STARD13: variants seen among roughly 807,000 people sequenced by gnomAD.
STARD13 encodes StAR related lipid transfer domain containing 13.
Under a neutral mutation model 106.4 loss-of-function variants are expected in STARD13, and 62 were observed. That is an observed-to-expected ratio of 0.58 (90% CI 0.48 to 0.72). STARD13 has a LOEUF of 0.72. STARD13 is among the 30% of genes least tolerant of loss of function. STARD13 has a pLI of 0.00. For synonymous variants in STARD13, 565 were observed against 553.0 expected (o/e 1.02, Z -0.31); for missense variants, 1,387 against 1,424.0 (o/e 0.97, Z 0.42).
chr13:33,499,613 CTTCTTCTT>C, the STARD13 span, among the ~76,000 whole-genome samples: 48 of 70,550 alleles, frequency 6.8e-4, no homozygotes, highest in South Asian at 2.0e-3. Flanking sequence ...CTTTCTTCTT[CTTCTTCTT>C]CTTCTTCTTC....
upstream of STARD13, among the ~76,000 whole-genome samples, chr13:33,350,951 CAA>C (rs2138626199): frequency 6.6e-6 from 1 of 152,154 alleles, no homozygotes; most frequent in South Asian, 2.1e-4. Flanking sequence ...ACAACTACAA[CAA>C]CAACAACAAA....
At chr13:33,433,533 T>C in the STARD13 span, among the ~76,000 whole-genome samples, 3 of 148,196 alleles carry the variant, frequency 2.0e-5, no homozygotes, top group Non-Finnish European at 4.4e-5. Flanking sequence ...TCCTGCTACG[T>C]CACGTTCCGC....
At chr13:33,204,487 A>G (rs910534099) in intron 1 of STARD13, among the ~76,000 whole-genome samples, 1 of 152,172 alleles carries the variant, frequency 6.6e-6, no homozygotes, top group African/African-American at 2.4e-5. Context: ...TGATTTCCCC[A>G]ATAAGAAAAG....
chr13:33,488,658 C>G, the STARD13 span, among the ~76,000 whole-genome samples: 10 of 152,178 alleles, frequency 6.6e-5, no homozygotes, highest in Non-Finnish European at 1.3e-4. Flanking sequence ...ATTTCCTGAT[C>G]ATACAAACAC....
Position 33,106,694 on chromosome 13 carries a change from G to A in STARD13, c.3224+64C>T, listed in dbSNP as rs1159790482. ...AAGAAATCAGGGTGACATCCCTGCTGGATGTGCTGTACAAGCTGAGACTCC... is the reference window on the plus strand; with the variant it reads ...AAGAAATCAGGGTGACATCCCTGCTAGATGTGCTGTACAAGCTGAGACTCC... On this transcript the variant is annotated intron_variant, in intron 13 of 13. Transcript: ENST00000336934. The A allele has an allele frequency of 9.8e-6, 14 of 1,424,112 alleles. No homozygotes were observed. In the Admixed American group the frequency reaches 1.3e-4, roughly 13 times the overall value. 88.2% of individuals were successfully genotyped at this position (1,424,112 alleles called of 1,614,324 possible).
chr13:33,524,361 G>C, the STARD13 span: 22 of 929,648 alleles, frequency 2.4e-5, no homozygotes, highest in Non-Finnish European at 3.1e-5. Context: ...TACTCTCCAG[G>C]TTTATAGAAT....
At chr13:33,648,861 G>A in the STARD13 span, among the ~76,000 whole-genome samples, 54 of 135,846 alleles carry the variant, frequency 4.0e-4, no homozygotes, top group Admixed American at 1.2e-3. Context: ...GTGTGATCTC[G>A]GGTCACCGCA....
chr13:33,454,747 T>C, the STARD13 span, among the ~76,000 whole-genome samples: 1 of 152,188 alleles, frequency 6.6e-6, no homozygotes, highest in Non-Finnish European at 1.5e-5. Flanking sequence ...ATTTGTGATA[T>C]AATCAGATCA....
At chr13:33,353,344 A>G (rs2078097413), upstream of STARD13, among the ~76,000 whole-genome samples, 2 of 151,998 alleles carry the variant, frequency 1.3e-5, no homozygotes, top group African/African-American at 2.4e-5. Flanking sequence ...AAATCTAACA[A>G]CGTGTTCCAG....
At chr13:33,282,461 A>G (rs188446809) in intron 1 of STARD13, among the ~76,000 whole-genome samples, 256 of 152,274 alleles carry the variant, frequency 1.7e-3, no homozygotes, top group African/African-American at 4.4e-3. Flanking sequence ...TGTATCTGCT[A>G]TTGAATCATG....
At chr13:33,517,439 T>C in the STARD13 span, among the ~76,000 whole-genome samples, 1 of 152,200 alleles carries the variant, frequency 6.6e-6, no homozygotes. Context: ...CCTAAAATGA[T>C]GTCTGAAGAC....
the STARD13 span, among the ~76,000 whole-genome samples, chr13:33,566,054 A>G: frequency 1.3e-5 from 2 of 148,348 alleles, no homozygotes; most frequent in African/African-American, 4.9e-5. Context: ...GAAATAAACA[A>G]TTCATAAGTG....
the STARD13 span, among the ~76,000 whole-genome samples, chr13:33,442,656 AT>A: frequency 5.3e-5 from 8 of 152,198 alleles, no homozygotes; most frequent in Non-Finnish European, 7.3e-5. Flanking sequence ...AAAATGAAAA[AT>A]ATTTGAAAAA....
intron 1 of STARD13, among the ~76,000 whole-genome samples, chr13:33,210,780 G>A (rs1440614894): frequency 6.6e-6 from 1 of 152,200 alleles, no homozygotes; most frequent in Non-Finnish European, 1.5e-5. Context: ...CTTAGGTTAA[G>A]CGATCCTGCA....
chr13:33,388,393 G>A, the STARD13 span, among the ~76,000 whole-genome samples: 3 of 152,352 alleles, frequency 2.0e-5, no homozygotes, highest in South Asian at 6.2e-4. Context: ...TAGTGGATGG[G>A]CAAAGTTAAA....
chr13:33,352,824 G>T (rs904694176), upstream of STARD13, among the ~76,000 whole-genome samples: 3 of 152,232 alleles, frequency 2.0e-5, no homozygotes, highest in Admixed American at 6.5e-5. Context: ...GCTACTTGGA[G>T]TAATCTGTAC....
At chr13:33,134,400 C>T (rs1034435248) in intron 4 of STARD13, among the ~76,000 whole-genome samples, 3 of 152,204 alleles carry the variant, frequency 2.0e-5, no homozygotes, top group Non-Finnish European at 2.9e-5. Context: ...GACAAGCTTG[C>T]TACAGAGAGT....
At chr13:33,612,007 C>T in the STARD13 span, among the ~76,000 whole-genome samples, 1 of 152,206 alleles carries the variant, frequency 6.6e-6, no homozygotes, top group Non-Finnish European at 1.5e-5. Flanking sequence ...GAATAAAGAA[C>T]AAATGAGATC....
At chr13:33,528,177 AT>A in the STARD13 span, among the ~76,000 whole-genome samples, 2 of 142,198 alleles carry the variant, frequency 1.4e-5, no homozygotes, top group African/African-American at 5.4e-5. Flanking sequence ...TATTATATAT[AT>A]ATATATATAT....
Sources: allele counts gnomAD v4.1 joint callset (sites outside exome capture counted in the v4.1 genomes callset), GRCh38; gene constraint gnomAD v4.1.1; transcripts MANE v1.5; gene names NCBI Gene and HGNC (gene_info 2026-07-23, HGNC 2026-07-21).